Variants in PLD5 observed in about 807,000 individuals in gnomAD.
The protein encoded by PLD5 is inactive phospholipase D5.
PLD5 carries 36 observed loss-of-function variants against 61.1 expected under a neutral mutation model. That is an observed-to-expected ratio of 0.59 (90% CI 0.45 to 0.78). PLD5 has a LOEUF of 0.78. PLD5 is among the 30% of genes least tolerant of loss of function. PLD5 has a pLI of 0.00. For synonymous variants in PLD5, 243 were observed against 242.8 expected (o/e 1.00, Z -0.01); for missense variants, 515 against 644.4 (o/e 0.80, Z 2.17).
At chr1:242,128,700 C>T (rs1217871391) in intron 5 of PLD5, among the ~76,000 whole-genome samples, 1 of 152,100 alleles carries the variant, frequency 6.6e-6, no homozygotes, top group African/African-American at 2.4e-5. Context: ...ACTCTGATAG[C>T]TCCTCCCTGC....
rs116115923 is a variant in PLD5 at position 242,125,976 on chromosome 1, A to T, written c.736-1311T>A. On this transcript the variant is annotated intron_variant, in intron 5 of 9. Transcript: ENST00000536534. ...TCCCTAATGCAAAAATAAAACAATG[A>T]GCATCCTGATATATCTTTGTGCGCC... Among the ~76,000 whole-genome samples the T allele has an allele frequency of 4.7e-3, 709 of 152,322 alleles. 4 individuals are homozygous for T. Among genetic ancestry groups the T allele is most frequent in the African/African-American group, 0.016 (666 of 41,574 alleles).
At chr1:242,182,315 G>T (rs12141359) in intron 5 of PLD5, among the ~76,000 whole-genome samples, 39,359 of 152,056 alleles carry the variant, frequency 0.26, 5,541 homozygotes, top group South Asian at 0.39. Flanking sequence ...AGACACCAAA[G>T]AAATTTTTTT....
rs181180218 is a variant in PLD5, at chr1:242,316,279, G to A, written c.327-27749C>T. Among the ~76,000 whole-genome samples, 8 of 152,236 alleles carry A rather than the reference G, an allele frequency of 5.3e-5. No individual in the cohort carries two copies. The East Asian group carries it at 1.5e-3, about 29-fold the overall frequency. The stretch of plus-strand genomic sequence containing the variant: ...TTTTGGGGGCAGCAAATTTTGAGAC[G>A]CCATTTTGTACCCAATAGAGCTTAT... On this transcript the variant is annotated intron_variant, in intron 2 of 9. Coordinates refer to ENST00000536534, the MANE Select transcript of PLD5 (RefSeq NM_001372062.1).
intron 1 of PLD5, among the ~76,000 whole-genome samples, chr1:242,433,287 G>A (rs1665819064): frequency 6.6e-6 from 1 of 152,132 alleles, no homozygotes; most frequent in South Asian, 2.1e-4. Flanking sequence ...AACCACACAA[G>A]TATTAAATAT....
chr1:242,347,880 C>T (rs1660229875), intron 2 of PLD5, among the ~76,000 whole-genome samples: 1 of 152,020 alleles, frequency 6.6e-6, no homozygotes, highest in Non-Finnish European at 1.5e-5. Flanking sequence ...TTTTTTTGTT[C>T]CCACCAGCCT....
chr1:242,493,915 G>T (rs1365119548), intron 1 of PLD5, among the ~76,000 whole-genome samples: 1 of 152,212 alleles, frequency 6.6e-6, no homozygotes, highest in African/African-American at 2.4e-5. Flanking sequence ...GCTAAGCTCT[G>T]TCGAAAAGGA....
At chr1:242,506,630 T>A (rs1455289031) in intron 1 of PLD5, among the ~76,000 whole-genome samples, 2 of 152,014 alleles carry the variant, frequency 1.3e-5, no homozygotes, top group African/African-American at 4.8e-5. Context: ...ACCATAAAGC[T>A]TTGCCTCCAT....
intron 5 of PLD5, among the ~76,000 whole-genome samples, chr1:242,205,040 G>A (rs561689817): frequency 6.6e-6 from 1 of 152,304 alleles, no homozygotes; most frequent in Admixed American, 6.5e-5. Context: ...GAACTTTAAT[G>A]GAATGGACTG....
chr1:242,163,216 T>C (rs1666004667), intron 5 of PLD5, among the ~76,000 whole-genome samples: 1 of 150,790 alleles, frequency 6.6e-6, no homozygotes, highest in Non-Finnish European at 1.5e-5. Flanking sequence ...CGATCTCGGC[T>C]CACTGCAAGC....
chr1:242,229,819 A>C (rs1239617701), intron 4 of PLD5, among the ~76,000 whole-genome samples: 1 of 152,072 alleles, frequency 6.6e-6, no homozygotes, highest in East Asian at 1.9e-4. Context: ...TTGCCTCTAC[A>C]AACTGAAGCA....
intron 2 of PLD5, among the ~76,000 whole-genome samples, chr1:242,347,383 C>G (rs1344091339): frequency 6.6e-6 from 1 of 152,084 alleles, no homozygotes; most frequent in Non-Finnish European, 1.5e-5. Context: ...TGCAGCAATA[C>G]ATATATAAAA....
chr1:242,530,458 G>A, the PLD5 span, among the ~76,000 whole-genome samples: 2 of 152,200 alleles, frequency 1.3e-5, no homozygotes, highest in Admixed American at 1.3e-4. Flanking sequence ...AAAGCTTCTG[G>A]TAGGCAACAA....
chr1:242,288,261 A>G (rs1176797169), intron 3 of PLD5, 101 bp downstream of exon 3: 1 of 1,551,138 alleles, frequency 6.4e-7, no homozygotes, highest in Admixed American at 2.2e-5. Flanking sequence ...TGTGTAGACT[A>G]AAATAAATGA....
At chr1:242,166,676 C>G (rs1666327922) in intron 5 of PLD5, among the ~76,000 whole-genome samples, 1 of 152,242 alleles carries the variant, frequency 6.6e-6, no homozygotes, top group South Asian at 2.1e-4. Flanking sequence ...CCTCGCATAT[C>G]ACTAATAGTT....
At chr1:242,231,911 G>A (rs932480643) in intron 4 of PLD5, among the ~76,000 whole-genome samples, 1 of 149,488 alleles carries the variant, frequency 6.7e-6, no homozygotes, top group Non-Finnish European at 1.5e-5. Context: ...GTCTCAGAGG[G>A]AGTAAAAGGG....
At chr1:242,355,577 T>A (rs931263343) in intron 1 of PLD5, among the ~76,000 whole-genome samples, 5 of 151,828 alleles carry the variant, frequency 3.3e-5, no homozygotes, top group Non-Finnish European at 4.4e-5. Flanking sequence ...ATTGATTTTT[T>A]AAATCATTTT....
chr1:242,257,694 C>G, intron 4 of PLD5, among the ~76,000 whole-genome samples: 1 of 152,282 alleles, frequency 6.6e-6, no homozygotes, highest in East Asian at 1.9e-4. Flanking sequence ...GTACCCATCC[C>G]ACAATGTATA....
At chr1:242,323,124 C>T (rs956887369) in intron 2 of PLD5, among the ~76,000 whole-genome samples, 17 of 150,604 alleles carry the variant, frequency 1.1e-4, no homozygotes, top group African/African-American at 3.2e-4. Flanking sequence ...TAAATCTTCA[C>T]GAAAAAAGAA....
At chr1:242,434,804 G>A (rs150029999) in intron 1 of PLD5, among the ~76,000 whole-genome samples, 5 of 152,050 alleles carry the variant, frequency 3.3e-5, no homozygotes, top group Middle Eastern at 3.4e-3. Flanking sequence ...TAGTAGAGAC[G>A]GGGTTTCACC....
Sources: allele counts gnomAD v4.1 joint callset (sites outside exome capture counted in the v4.1 genomes callset), GRCh38; gene constraint gnomAD v4.1.1; transcripts MANE v1.5; gene names NCBI Gene and HGNC (gene_info 2026-07-23, HGNC 2026-07-21).